Variants in CHD1 observed in about 807,000 individuals in gnomAD.
CHD1 encodes chromodomain helicase DNA binding protein 1.
CHD1 carries 36 observed loss-of-function variants against 224.2 expected under a neutral mutation model. That is an observed-to-expected ratio of 0.16 (90% CI 0.12 to 0.21). CHD1 has a LOEUF of 0.21. Ranked by LOEUF, CHD1 falls within the 10% of genes least tolerant of loss-of-function variation. The probability of loss-of-function intolerance (pLI) is 1.00; values close to 1 mark genes in which losing one functional copy is unlikely to be tolerated. For synonymous variants in CHD1, 668 were observed against 658.3 expected, an observed-to-expected ratio of 1.01 and a Z score of -0.23; for missense variants, 1,378 against 1,994.8, an observed-to-expected ratio of 0.69 and a Z score of 5.89.
chr5:98,868,671 C>CCCA, intron 30 of CHD1, 36 bp from the exon 31 acceptor site: 1 of 1,505,930 alleles, frequency 6.6e-7, no homozygotes, highest in Non-Finnish European at 8.9e-7. Context: ...AAAACAAAAC[C>CCCA]CCAATAGCAA....
chr5:98,885,862 C>A (rs1320248464), intron 17 of CHD1: 1 of 489,440 alleles, frequency 2.0e-6, no homozygotes, highest in Non-Finnish European at 3.6e-6. Flanking sequence ...GTAAATACAG[C>A]ATAGGCTGTC....
At position 98,857,415 on chromosome 5, in the gene CHD1, A is replaced by T. The variant is rs369841062; in HGVS notation, c.4788-690T>A. On this transcript the variant is annotated intron_variant, in intron 35 of 35. Transcript: ENST00000614616. ...TCTGCCTTTTCCTTTTAATTATTTG[A>T]CCCCTTCAAATAACAGCCATTCTAC... 1.3e-3 allele frequency among the ~76,000 whole-genome samples: 202 copies of T among 152,096 alleles called. 3 individuals are homozygous for T. The highest frequency in any genetic ancestry group is 2.4e-3 in the Non-Finnish European group (165 of 67,916).
At chr5:98,903,483 C>T (rs1321616977) in intron 4 of CHD1, among the ~76,000 whole-genome samples, 1 of 151,364 alleles carries the variant, frequency 6.6e-6, no homozygotes, top group Admixed American at 6.6e-5. Flanking sequence ...TTCATTCATA[C>T]ATGTATATGC....
chr5:98,864,541 A>G (rs1748717001), intron 31 of CHD1, among the ~76,000 whole-genome samples: 1 of 147,486 alleles, frequency 6.8e-6, no homozygotes, highest in East Asian at 2.0e-4. Context: ...AAAAAAAAAA[A>G]AAAATTAGCC....
At chr5:98,897,527 CTTT>C (rs546563923) in intron 10 of CHD1, among the ~76,000 whole-genome samples, 3 of 152,048 alleles carry the variant, frequency 2.0e-5, no homozygotes, top group Admixed American at 6.6e-5. Flanking sequence ...ATTTTGCCTT[CTTT>C]TTTAAACAAA....
intron 9 of CHD1, 34 bp from the exon 10 acceptor site, chr5:98,898,468 AT>A (rs745737521): frequency 4.7e-4 from 676 of 1,443,718 alleles, no homozygotes; most frequent in South Asian, 1.2e-3. Context: ...TTATTTATTT[AT>A]TTTTTTTTAC....
intron 2 of CHD1, among the ~76,000 whole-genome samples, chr5:98,921,964 C>A (rs1753125340): frequency 6.6e-6 from 1 of 152,096 alleles, no homozygotes; most frequent in Non-Finnish European, 1.5e-5. Context: ...ACCAGCCTGG[C>A]CAACATGGTG....
At chr5:98,927,333 C>T (rs548772457) in intron 1 of CHD1, among the ~76,000 whole-genome samples, 1 of 152,156 alleles carries the variant, frequency 6.6e-6, no homozygotes, top group Admixed American at 6.5e-5. Flanking sequence ...AGATCTCTGG[C>T]AGGGGAGGGA....
intron 30 of CHD1, 163 bp downstream of exon 30, chr5:98,869,580 TTGAGACTGTTA>T: frequency 3.1e-6 from 2 of 647,130 alleles, no homozygotes; most frequent in South Asian, 4.2e-5. Context: ...TGTTCTATAA[TTGAGACTGTTA>T]TGAACTATAA....
At chr5:98,870,643 T>G (rs1427117688) in intron 29 of CHD1, 44 bp downstream of exon 29, 7 of 1,123,974 alleles carry the variant, frequency 6.2e-6, no homozygotes, top group Middle Eastern at 2.1e-4. Flanking sequence ...AAATTTACCT[T>G]ACTAAAAAGT....
intron 8 of CHD1, 58 bp from the exon 9 acceptor site, chr5:98,898,822 T>TC (rs1385587606): frequency 1.4e-5 from 13 of 912,668 alleles, no homozygotes; most frequent in Non-Finnish European, 5.3e-6. Flanking sequence ...AACCTTTCAC[T>TC]CCCCCATCCC....
chr5:98,884,125 G>A (rs1362080943), intron 18 of CHD1, among the ~76,000 whole-genome samples: 2 of 148,286 alleles, frequency 1.3e-5, no homozygotes, highest in African/African-American at 5.0e-5. Context: ...CCAGGCTGGA[G>A]TGCAGTGGCG....
intron 2 of CHD1, among the ~76,000 whole-genome samples, chr5:98,914,795 G>T (rs1407354885): frequency 6.6e-6 from 1 of 152,140 alleles, no homozygotes. Context: ...GTTTCCCCAG[G>T]CACAGATCAT....
intron 2 of CHD1, among the ~76,000 whole-genome samples, chr5:98,912,606 G>A (rs2112593682): frequency 6.6e-6 from 1 of 152,266 alleles, no homozygotes; most frequent in Non-Finnish European, 1.5e-5. Context: ...AGGAGGCAGA[G>A]GTTGCAGTGA....
chr5:98,909,578 ATCAT>A (rs1752260479), intron 2 of CHD1, among the ~76,000 whole-genome samples: 1 of 152,132 alleles, frequency 6.6e-6, no homozygotes, highest in Non-Finnish European at 1.5e-5. Context: ...AAATGGTGAC[ATCAT>A]TCATCAGTTA....
intron 2 of CHD1, among the ~76,000 whole-genome samples, chr5:98,924,201 AG>A (rs1753296595): frequency 6.6e-6 from 1 of 151,932 alleles, no homozygotes; most frequent in Non-Finnish European, 1.5e-5. Flanking sequence ...CAGTGAGCTG[AG>A]ACTACACAAC....
chr5:98,926,565 A>G lies in CHD1; in HGVS notation c.-148-31T>C, dbSNP rs1443212400. The G allele has an allele frequency of 1.5e-5, 6 of 396,332 alleles. No homozygotes were observed. In the East Asian group the frequency reaches 2.4e-4, roughly 16 times the overall value. The allele number at this position is 396,332 out of a possible 1,614,324, so 24.6% of individuals were successfully genotyped here. A position where few individuals can be genotyped will look rare whatever the true frequency, so the allele number is the denominator to read the frequency against. On this transcript the variant is annotated intron_variant, in intron 1 of 35. Transcript: ENST00000614616. ...GAAAATATATTAATAAATTAACAAA[A>G]TTTCCTGCAGAAAAAAGGTAAATTA... is the stretch of plus-strand genomic sequence containing the variant.
In CHD1 at chr5:98,889,996, G is replaced by A. The variant is rs542616863; in HGVS notation, c.2181-758C>T. Reference sequence around the variant, plus strand: ...CGCATGTTCTCACTTACAAGTGCAAGTTAAACACTGAGCACACATGGACAT... The same window carrying A: ...CGCATGTTCTCACTTACAAGTGCAAATTAAACACTGAGCACACATGGACAT... On this transcript the variant is annotated intron_variant, in intron 15 of 35. Transcript: ENST00000614616. Among the ~76,000 whole-genome samples, 38 of 152,242 alleles carry A rather than the reference G, an allele frequency of 2.5e-4. No homozygotes were observed. The South Asian group carries it at 7.9e-3, about 32-fold the overall frequency.
chr5:98,888,688 A>T (rs1580435346), intron 16 of CHD1, among the ~76,000 whole-genome samples: 1 of 152,194 alleles, frequency 6.6e-6, no homozygotes, highest in East Asian at 1.9e-4. Flanking sequence ...CGCACTTCTG[A>T]CTTATCTTCC....
Sources: gnomAD v4.1 joint callset for allele counts (sites outside exome capture counted in the v4.1 genomes callset) on GRCh38, gnomAD v4.1.1 for gene constraint, MANE v1.5 for transcripts, NCBI Gene and HGNC (gene_info 2026-07-23, HGNC 2026-07-21) for gene names.